Variants in KLHL29 observed in about 807,000 individuals in gnomAD.
The protein encoded by KLHL29 is kelch-like protein 29.
A neutral mutation model predicts 80.4 loss-of-function variants in KLHL29; 21 were observed. The observed-to-expected ratio is 0.26, with a 90% CI of 0.19 to 0.38. The LOEUF is 0.38. KLHL29 is among the 10% of genes least tolerant of loss of function. The probability of loss-of-function intolerance (pLI) is 1.00; values close to 1 mark genes in which losing one functional copy is unlikely to be tolerated. For synonymous variants in KLHL29, 511 were observed against 526.8 expected (o/e 0.97, Z 0.41); for missense variants, 867 against 1,223.9 (o/e 0.71, Z 4.35).
chr2:23,463,888 T>C (rs1162316843), intron 1 of KLHL29, among the ~76,000 whole-genome samples: 1 of 152,242 alleles, frequency 6.6e-6, no homozygotes, highest in Non-Finnish European at 1.5e-5. Context: ...CTGTATTACC[T>C]GAAATGTGTT....
At chr2:23,531,829 C>T (rs1666498932) in intron 2 of KLHL29, among the ~76,000 whole-genome samples, 1 of 152,152 alleles carries the variant, frequency 6.6e-6, no homozygotes, top group African/African-American at 2.4e-5. Flanking sequence ...AAATGTGCTC[C>T]CATCTGTTCC....
At chr2:23,545,570 C>T (rs543029967) in intron 2 of KLHL29, among the ~76,000 whole-genome samples, 2 of 152,334 alleles carry the variant, frequency 1.3e-5, no homozygotes, top group South Asian at 2.1e-4. Context: ...GATGCAGGCA[C>T]CACCTCGTGG....
At chr2:23,470,020 A>G (rs532200384) in intron 1 of KLHL29, among the ~76,000 whole-genome samples, 78 of 152,210 alleles carry the variant, frequency 5.1e-4, no homozygotes, top group African/African-American at 1.8e-3. Flanking sequence ...GTATCAAAAA[A>G]AAAAAAAAGA....
intron 2 of KLHL29, among the ~76,000 whole-genome samples, chr2:23,497,039 C>A (rs1319205274): frequency 6.6e-6 from 1 of 150,396 alleles, no homozygotes; most frequent in Non-Finnish European, 1.5e-5. Flanking sequence ...ATATAAGAAT[C>A]ACGAGTTTCT....
rs949185127 is a variant in KLHL29, at chr2:23,647,324, C to G, written c.940+4474C>G. On this transcript the variant is annotated intron_variant, in intron 5 of 13. Coordinates refer to ENST00000486442, the MANE Select transcript of KLHL29 (RefSeq NM_052920.2). The surrounding 1 kb of genome is among the most constrained non-coding windows in gnomAD (Gnocchi z 4.9). ...TGGGAATGCATGATAAAGCTGTTCG[C>G]CCACACTCAGGCCAGAGGCACAGAA... 6.6e-6 allele frequency among the ~76,000 whole-genome samples: 1 copy of G among 152,170 alleles called. No homozygotes were observed. Among genetic ancestry groups the G allele is most frequent in the African/African-American group, 2.4e-5 (1 of 41,428 alleles).
intron 5 of KLHL29, among the ~76,000 whole-genome samples, chr2:23,661,714 C>T (rs751239970): frequency 6.6e-6 from 1 of 152,266 alleles, no homozygotes; most frequent in Non-Finnish European, 1.5e-5. Context: ...AACCCCCAGG[C>T]CCACTGGGAA....
intron 1 of KLHL29, among the ~76,000 whole-genome samples, chr2:23,411,955 C>A (rs1226664372): frequency 2.0e-5 from 3 of 152,162 alleles, no homozygotes; most frequent in East Asian, 3.9e-4. Flanking sequence ...TTGGGCATGT[C>A]TGACTTCTAC....
intron 1 of KLHL29, among the ~76,000 whole-genome samples, chr2:23,386,473 G>A (rs1666185610): frequency 6.6e-6 from 1 of 152,236 alleles, no homozygotes; most frequent in South Asian, 2.1e-4. Context: ...GGGTGCCAGC[G>A]TGTTGTGGGG....
In KLHL29 at chr2:23,562,006, C is replaced by T; in HGVS notation, c.-45-146C>T. On this transcript the variant is annotated intron_variant, in intron 2 of 13. Transcript: ENST00000486442. This position sits in a 1 kb window ranked among gnomAD's most constrained non-coding sequence, Gnocchi z 4.5. ...TGTGAAGTGGGGCTAATTAATGATC[C>T]ATGCTTTGTGGGCTAGCGTGACTCT... 1 of 640,320 alleles carries T rather than the reference C, an allele frequency of 1.6e-6. No individual in the cohort carries two copies. The highest frequency in any genetic ancestry group is 2.8e-5 in the East Asian group (1 of 35,982). 39.7% of individuals were successfully genotyped at this position (640,320 alleles called of 1,614,324 possible).
chr2:23,481,339 T>A (rs1205724062), intron 2 of KLHL29, among the ~76,000 whole-genome samples: 2 of 152,278 alleles, frequency 1.3e-5, no homozygotes, highest in South Asian at 4.1e-4. Flanking sequence ...ACACTTGTGA[T>A]TCTCTCTCCT....
intron 1 of KLHL29, among the ~76,000 whole-genome samples, chr2:23,415,889 G>A (rs1164720217): frequency 2.0e-5 from 3 of 152,082 alleles, no homozygotes; most frequent in Admixed American, 6.5e-5. Context: ...TTTTGTAAAA[G>A]ATAGTAATAC....
chr2:23,397,649 G>A (rs145055817), intron 1 of KLHL29, among the ~76,000 whole-genome samples: 5,004 of 152,350 alleles, frequency 0.033, 111 homozygotes, highest in South Asian at 0.062. Context: ...GTGCTGAGAT[G>A]GGGTTGGGTG....
At chr2:23,458,794 C>T (rs545949716) in intron 1 of KLHL29, among the ~76,000 whole-genome samples, 148 of 152,254 alleles carry the variant, frequency 9.7e-4, no homozygotes, top group African/African-American at 3.3e-3. Flanking sequence ...GAGAGGAGAA[C>T]GGGGACAGGG....
intron 5 of KLHL29, among the ~76,000 whole-genome samples, chr2:23,670,630 T>C (rs1202757758): frequency 6.6e-6 from 1 of 152,210 alleles, no homozygotes; most frequent in Non-Finnish European, 1.5e-5. Context: ...TCTTCTTTCA[T>C]GCCTATTAAG....
At chr2:23,510,458 G>A (rs1558366103) in intron 2 of KLHL29, among the ~76,000 whole-genome samples, 1 of 152,334 alleles carries the variant, frequency 6.6e-6, no homozygotes, top group East Asian at 1.9e-4. Flanking sequence ...GGTGGTGATG[G>A]TGAGCTGTCC....
chr2:23,597,281 T>C (rs1376509237), intron 3 of KLHL29, among the ~76,000 whole-genome samples: 2 of 1,402 alleles, frequency 1.4e-3, no homozygotes, highest in Non-Finnish European at 3.5e-3. Context: ...GCTCTCAATC[T>C]ATCTCTCTCT....
chr2:23,422,863 C>T (rs1263687939), intron 1 of KLHL29, among the ~76,000 whole-genome samples: 3 of 152,362 alleles, frequency 2.0e-5, no homozygotes, highest in Non-Finnish European at 2.9e-5. Flanking sequence ...ATGGATGCCG[C>T]TGTGCTCCTC....
chr2:23,509,398 G>A (rs145437612), intron 2 of KLHL29, among the ~76,000 whole-genome samples: 84 of 152,260 alleles, frequency 5.5e-4, no homozygotes, highest in African/African-American at 1.9e-3. Flanking sequence ...GCCTTACTCT[G>A]TGTGTGTGTT....
intron 1 of KLHL29, among the ~76,000 whole-genome samples, chr2:23,417,068 C>T (rs1013948185): frequency 6.6e-6 from 1 of 152,166 alleles, no homozygotes; most frequent in Non-Finnish European, 1.5e-5. Flanking sequence ...AATACTCTTC[C>T]TTCCACCCCC....
Sources: allele counts gnomAD v4.1 joint callset (sites outside exome capture counted in the v4.1 genomes callset), GRCh38; gene constraint gnomAD v4.1.1; non-coding constraint Gnocchi (gnomAD v3.1); transcripts MANE v1.5; gene names NCBI Gene and HGNC (gene_info 2026-07-23, HGNC 2026-07-21).